SMG6: variants seen among roughly 807,000 people sequenced by gnomAD.
The protein encoded by SMG6 is telomerase-binding protein EST1A.
SMG6 carries 66 observed loss-of-function variants against 142.2 expected under a neutral mutation model. That is an observed-to-expected ratio of 0.46 (90% CI 0.38 to 0.57). SMG6 has a LOEUF of 0.57. Ranked by LOEUF, SMG6 falls within the 20% of genes least tolerant of loss-of-function variation. The pLI is 0.00. For synonymous variants in SMG6, 779 were observed against 702.4 expected, an observed-to-expected ratio of 1.11 and a Z score of -1.72; for missense variants, 1,793 against 1,832.0, an observed-to-expected ratio of 0.98 and a Z score of 0.39.
At chr17:2,130,902 G>A (rs2070099630) in intron 13 of SMG6, among the ~76,000 whole-genome samples, 1 of 152,070 alleles carries the variant, frequency 6.6e-6, no homozygotes, top group African/African-American at 2.4e-5. Context: ...TACTCAGGAG[G>A]CTGAGGCAGA....
At chr17:2,259,279 T>C (rs1005780809) in intron 8 of SMG6, among the ~76,000 whole-genome samples, 1 of 151,250 alleles carries the variant, frequency 6.6e-6, no homozygotes, top group Non-Finnish European at 1.5e-5. Context: ...GACAATACCA[T>C]GCAAGTTGGC....
At chr17:2,099,018 A>G (rs2068935405) in intron 13 of SMG6, among the ~76,000 whole-genome samples, 1 of 152,060 alleles carries the variant, frequency 6.6e-6, no homozygotes, top group African/African-American at 2.4e-5. Flanking sequence ...CTCCTAAGTA[A>G]GATTCTTGAG....
intron 13 of SMG6, among the ~76,000 whole-genome samples, chr17:2,133,541 A>G (rs2760735): frequency 0.35 from 52,785 of 151,980 alleles, 9,911 homozygotes; most frequent in African/African-American, 0.49. Flanking sequence ...GTATGAGTGC[A>G]TGTGTGTGTT....
At chr17:2,171,775 T>C (rs1448911510) in intron 13 of SMG6, among the ~76,000 whole-genome samples, 1 of 151,112 alleles carries the variant, frequency 6.6e-6, no homozygotes, top group Non-Finnish European at 1.5e-5. Context: ...CCCTAGTATA[T>C]ACTTCATGTA....
At chr17:2,244,011 A>G (rs2073872851) in intron 9 of SMG6, among the ~76,000 whole-genome samples, 1 of 152,006 alleles carries the variant, frequency 6.6e-6, no homozygotes, top group Admixed American at 6.6e-5. Flanking sequence ...GAGAGGAAGA[A>G]CTCGGATCCA....
At chr17:2,110,031 G>C (rs1237620562) in intron 13 of SMG6, among the ~76,000 whole-genome samples, 1 of 142,068 alleles carries the variant, frequency 7.0e-6, no homozygotes, top group Non-Finnish European at 1.5e-5. Context: ...GCAGTGAGCA[G>C]AGATTGCACT....
chr17:2,134,786 C>T (rs1273760528), intron 13 of SMG6, among the ~76,000 whole-genome samples: 2 of 152,134 alleles, frequency 1.3e-5, no homozygotes, highest in Admixed American at 1.3e-4. Flanking sequence ...CTGATTCATT[C>T]CTAATTAAAT....
intron 8 of SMG6, among the ~76,000 whole-genome samples, chr17:2,269,122 C>T (rs216180): frequency 6.7e-6 from 1 of 149,786 alleles, no homozygotes; most frequent in Non-Finnish European, 1.5e-5. Context: ...CGAGAGGCTG[C>T]GGCAGGAGAA....
intron 13 of SMG6, among the ~76,000 whole-genome samples, chr17:2,153,540 AGGG>A (rs1344203214): frequency 6.6e-6 from 1 of 152,254 alleles, no homozygotes; most frequent in Non-Finnish European, 1.5e-5. Flanking sequence ...TCTATGGCAC[AGGG>A]GTAAACTGGT....
In SMG6 at chr17:2,085,931, A is replaced by T. The variant is rs2068549122; in HGVS notation, c.3358-30T>A. On this transcript the variant is annotated intron_variant, in intron 13 of 18. Transcript: ENST00000263073. The surrounding 1 kb of genome is among the most constrained non-coding windows in gnomAD (Gnocchi z 4.1). ...AGGGTGAGAGGGAGAGAAGAAAAAC[A>T]GCATTTTCTGAAAGGGAAGATGGAG... 6.8e-6 allele frequency: 11 copies of T among 1,608,018 alleles called. No individual in the cohort carries two copies. Among genetic ancestry groups the T allele is most frequent in the East Asian group, 2.2e-5 (1 of 44,820 alleles).
At position 2,066,677 on chromosome 17, in the gene SMG6, A is replaced by ACACACACACACACACACACACACAAT. The variant is rs1440885390; in HGVS notation, c.3836-999_3836-998insATTGTGTGTGTGTGTGTGTGTGTGTG. Among the ~76,000 whole-genome samples the ACACACACACACACACACACACACAAT allele has an allele frequency of 2.0e-5, 3 of 151,798 alleles. No individual in the cohort carries two copies. In the South Asian group the frequency reaches 6.3e-4, roughly 32 times the overall value. On this transcript the variant is annotated intron_variant, in intron 16 of 18. Coordinates refer to ENST00000263073, the MANE Select transcript of SMG6 (RefSeq NM_017575.5). ...TACACACACACACACACACACACAC[A>ACACACACACACACACACACACACAAT]CACACACACACACACACAATGCCCA...
intron 10 of SMG6, among the ~76,000 whole-genome samples, chr17:2,225,917 G>A (rs1006722571): frequency 2.6e-5 from 4 of 152,164 alleles, no homozygotes; most frequent in African/African-American, 9.7e-5. Context: ...GAAAGCACCC[G>A]GAGAAAATTT....
chr17:2,107,585 A>C (rs1323517732), intron 13 of SMG6, among the ~76,000 whole-genome samples: 1 of 152,160 alleles, frequency 6.6e-6, no homozygotes, highest in Non-Finnish European at 1.5e-5. Flanking sequence ...TTGAGCCTCC[A>C]TAGGAAGGGC....
chr17:2,277,153 A>ATTTTTTTT (rs1567740157), intron 8 of SMG6, among the ~76,000 whole-genome samples: 3 of 83,446 alleles, frequency 3.6e-5, no homozygotes, highest in African/African-American at 1.6e-4. Flanking sequence ...TTATTTATTT[A>ATTTTTTTT]TTTATTTATT....
chr17:2,112,516 T>A (rs1437851266), intron 13 of SMG6, among the ~76,000 whole-genome samples: 28 of 115,316 alleles, frequency 2.4e-4, no homozygotes, highest in South Asian at 1.1e-3. Flanking sequence ...TCAAAAAAAA[T>A]AAAATAAAAA....
At position 2,068,814 on chromosome 17, in the gene SMG6, C is replaced by T; in HGVS notation, c.3799G>A (p.Glu1267Lys). The T allele has an allele frequency of 2.5e-6, 4 of 1,614,212 alleles. No individual in the cohort carries two copies. Among genetic ancestry groups the T allele is most frequent in the Non-Finnish European group, 3.4e-6 (4 of 1,180,030 alleles). The change falls in exon 16 of 19, where the codon GAG becomes AAG. Residue 1267 changes from glutamate (E) to lysine (K), a missense_variant. Physicochemically the swap from Glu to Lys is moderately conservative, Grantham distance 56. This residue lies in a region of SMG6 where 179 missense variants were observed against 212.6 expected (regional missense o/e 0.84). Transcript: ENST00000263073. The surrounding 1 kb of genome is among the most constrained non-coding windows in gnomAD (Gnocchi z 6.7). ...ACCACCAGGATGTACTTCCTGCTCT[C>T]CAGCAGCCGCGCCAGACTGGCCAGG... ...DHLASLARLL[E>K]SRKYILVVPL...
At chr17:2,228,974 A>T (rs1490377236) in intron 10 of SMG6, among the ~76,000 whole-genome samples, 1 of 152,162 alleles carries the variant, frequency 6.6e-6, no homozygotes, top group Non-Finnish European at 1.5e-5. Flanking sequence ...AAAAAGTAGC[A>T]CAGTCTCTCC....
intron 13 of SMG6, among the ~76,000 whole-genome samples, chr17:2,145,312 A>G (rs1422280773): frequency 6.7e-6 from 1 of 149,980 alleles, no homozygotes; most frequent in Non-Finnish European, 1.5e-5. Flanking sequence ...CTTAGTAAAG[A>G]CAGGGTTTCC....
At position 2,172,619 on chromosome 17, in the gene SMG6, G is replaced by T. The variant is rs375792138; in HGVS notation, c.3357+39C>A. ...ATAAAAAAGTCTGGAGAATTAAGAG[G>T]AGGGGCGAATGGGGAGGGATGTTTG... On this transcript the variant is annotated intron_variant, in intron 13 of 18. Transcript: ENST00000263073. 31 of 1,598,806 alleles carry T rather than the reference G, an allele frequency of 1.9e-5. No individual in the cohort carries two copies. The African/African-American group carries it at 3.9e-4, about 20-fold the overall frequency.
Sources: gnomAD v4.1 joint callset for allele counts (sites outside exome capture counted in the v4.1 genomes callset) on GRCh38, gnomAD v4.1.1 for gene constraint, gnomAD v4.1.1 regional missense constraint, Gnocchi (gnomAD v3.1) non-coding constraint, MANE v1.5 for transcripts, NCBI Gene and HGNC (gene_info 2026-07-23, HGNC 2026-07-21) for gene names.